The following FAM13A variants were observed in gnomAD, a reference collection of about 807,000 sequenced individuals.
FAM13A encodes family with sequence similarity 13 member A.
A neutral mutation model predicts 129.6 loss-of-function variants in FAM13A; 76 were observed. The ratio of observed to expected loss-of-function variants is 0.59; its 90% CI spans 0.49 to 0.71. The LOEUF (loss-of-function observed/expected upper bound fraction) is 0.71, where lower values mean the gene tolerates loss of function less well. Among genes scored for constraint, FAM13A ranks in the 30% least tolerant of loss-of-function variants. FAM13A has a pLI of 0.00. For synonymous variants in FAM13A, 443 were observed against 449.9 expected, an observed-to-expected ratio of 0.98 and a Z score of 0.20; for missense variants, 1,108 against 1,249.3, an observed-to-expected ratio of 0.89 and a Z score of 1.70.
At chr4:88,786,111 G>A (rs1311350068) in intron 10 of FAM13A, among the ~76,000 whole-genome samples, 1 of 152,056 alleles carries the variant, frequency 6.6e-6, no homozygotes, top group Admixed American at 6.6e-5. Context: ...AATTCTTCAG[G>A]AGAGGTGAGG....
intron 4 of FAM13A, among the ~76,000 whole-genome samples, chr4:88,985,268 G>C (rs1762094108): frequency 6.6e-6 from 1 of 152,180 alleles, no homozygotes; most frequent in Non-Finnish European, 1.5e-5. Flanking sequence ...GTAGATGAGT[G>C]GTTGCCTAGA....
chr4:89,047,936 T>C (rs556360991), intron 1 of FAM13A, among the ~76,000 whole-genome samples: 1 of 152,148 alleles, frequency 6.6e-6, no homozygotes. Context: ...GAAATTGAGA[T>C]AGCACTACTA....
chr4:88,766,491 T>C (rs1745728379), intron 13 of FAM13A, among the ~76,000 whole-genome samples: 1 of 152,168 alleles, frequency 6.6e-6, no homozygotes, highest in Non-Finnish European at 1.5e-5. Flanking sequence ...GGACAAGAAT[T>C]GAATACAGGA....
intron 7 of FAM13A, among the ~76,000 whole-genome samples, chr4:88,827,122 T>C (rs1392267980): frequency 6.6e-6 from 1 of 152,226 alleles, no homozygotes; most frequent in African/African-American, 2.4e-5. Flanking sequence ...TTTTAGGGTC[T>C]TTTGACCACT....
In FAM13A at chr4:89,030,482, C is replaced by T. The variant is rs1028663089; in HGVS notation, c.28-833G>A. ...CACTGAAAAGAGAGATGGCAAAATG[C>T]GAACGGTCTTATTTGGGGGCAGAGG... On this transcript the variant is annotated intron_variant, in intron 1 of 23. Coordinates refer to ENST00000264344, the MANE Select transcript of FAM13A (RefSeq NM_014883.4). Among the ~76,000 whole-genome samples, 8 of 151,986 alleles carry T rather than the reference C, an allele frequency of 5.3e-5. 1 individual carries two copies. Among genetic ancestry groups the T allele is most frequent in the African/African-American group, 7.2e-5 (3 of 41,390 alleles).
chr4:88,991,026 C>G lies in FAM13A; in HGVS notation c.552G>C (p.Gln184His), dbSNP rs759010773. ...FLTKVAKHHV[Q>H]NRMNVHNLAT... The stretch of plus-strand genomic sequence containing the variant: ...CGAGATTGTGAACATTCATGCGATT[C>G]TGCACATGATGCTTGGCTACTTTTG... The change falls in exon 4 of 24, where the codon CAG (glutamine) becomes CAC (histidine). Residue 184 changes from glutamine (Q) to histidine (H), a missense_variant. Transcript: ENST00000264344. The G allele has an allele frequency of 1.9e-6, 3 of 1,614,156 alleles. No individual in the cohort carries two copies. The South Asian group carries it at 3.3e-5, about 18-fold the overall frequency.
intron 13 of FAM13A, among the ~76,000 whole-genome samples, chr4:88,766,039 G>C (rs1745658449): frequency 6.6e-6 from 1 of 152,228 alleles, no homozygotes. Context: ...CATTTAGTTT[G>C]TGTGCTACTT....
At chr4:88,933,230 G>A (rs971699481) in intron 5 of FAM13A, among the ~76,000 whole-genome samples, 4 of 152,112 alleles carry the variant, frequency 2.6e-5, no homozygotes, top group African/African-American at 9.7e-5. Context: ...TAGATACTTA[G>A]CAATATGCTC....
intron 3 of FAM13A, among the ~76,000 whole-genome samples, chr4:89,007,379 C>T (rs961230455): frequency 1.3e-5 from 2 of 152,100 alleles, no homozygotes; most frequent in Non-Finnish European, 1.5e-5. Flanking sequence ...TCTGAAGAAG[C>T]CCACAGAAAA....
rs1235348469 is a variant in FAM13A at position 88,728,519 on chromosome 4, C to T, written c.*14G>A. 1.9e-6 allele frequency: 3 copies of T among 1,614,004 alleles called. No individual in the cohort carries two copies. The highest frequency in any genetic ancestry group is 2.5e-6 in the Non-Finnish European group (3 of 1,179,984). On this transcript the variant is annotated 3_prime_UTR_variant, in exon 24 of 24. Transcript: ENST00000264344. ...TCACCGCAGCTGCCAGCCCCCTGTG[C>T]TTGGCCATGCCCCTCACATGGACTT...
At chr4:88,802,686 A>C (rs1471830190) in intron 8 of FAM13A, among the ~76,000 whole-genome samples, 1 of 152,146 alleles carries the variant, frequency 6.6e-6, no homozygotes, top group Non-Finnish European at 1.5e-5. Flanking sequence ...CTGTTCCTGC[A>C]TCCCTTTCTT....
intron 5 of FAM13A, among the ~76,000 whole-genome samples, chr4:88,910,402 A>T (rs1179152489): frequency 6.6e-6 from 1 of 152,130 alleles, no homozygotes; most frequent in Non-Finnish European, 1.5e-5. Flanking sequence ...GACATTTAAA[A>T]ATAGGAAAGC....
intron 5 of FAM13A, among the ~76,000 whole-genome samples, chr4:88,927,486 G>GT (rs1554031424): frequency 0.23 from 21,559 of 95,318 alleles, 1,742 homozygotes; most frequent in African/African-American, 0.25. Context: ...CTGGTTCTAG[G>GT]TTTTTTTTTT....
chr4:88,846,527 A>C (rs1736667195), intron 7 of FAM13A, among the ~76,000 whole-genome samples: 1 of 152,232 alleles, frequency 6.6e-6, no homozygotes. Context: ...ATCTCTTAAA[A>C]TGTAACAAAC....
intron 6 of FAM13A, among the ~76,000 whole-genome samples, chr4:88,893,452 G>A (rs920264148): frequency 2.0e-5 from 3 of 152,114 alleles, no homozygotes; most frequent in Admixed American, 6.5e-5. Flanking sequence ...GTGAAACCCC[G>A]TCTTACTAAA....
At chr4:88,941,320 T>A (rs1262010267) in intron 4 of FAM13A, among the ~76,000 whole-genome samples, 2 of 152,238 alleles carry the variant, frequency 1.3e-5, no homozygotes, top group Non-Finnish European at 2.9e-5. Flanking sequence ...TAACCTAATG[T>A]TAACCAAACA....
At chr4:88,937,931 A>C (rs1263780844) in intron 5 of FAM13A, 157 bp downstream of exon 5, 1 of 583,778 alleles carries the variant, frequency 1.7e-6, no homozygotes, top group East Asian at 2.9e-5. Context: ...CAATTTAATA[A>C]GCATTTGGAA....
rs558043392 is a variant in FAM13A at position 88,733,858 on chromosome 4, G to T, written c.2647-1660C>A. On this transcript the variant is annotated intron_variant, in intron 21 of 23. Coordinates refer to ENST00000264344, the MANE Select transcript of FAM13A (RefSeq NM_014883.4). Reference sequence around the variant, plus strand: ...AAATAAGAACTTAACGACCTTTAATGAAATCAGGTGTCTAGGCCTTATCAA... The same window carrying T: ...AAATAAGAACTTAACGACCTTTAATTAAATCAGGTGTCTAGGCCTTATCAA... 8.5e-5 allele frequency among the ~76,000 whole-genome samples: 13 copies of T among 152,332 alleles called. No individual in the cohort carries two copies. The East Asian group carries it at 2.5e-3, about 29-fold the overall frequency.
chr4:88,910,395 A>T (rs1423563015), intron 5 of FAM13A, among the ~76,000 whole-genome samples: 2 of 152,120 alleles, frequency 1.3e-5, no homozygotes, highest in Admixed American at 1.3e-4. Flanking sequence ...TACTAATGAC[A>T]TTTAAAAATA....
Sources: gnomAD v4.1 joint callset for allele counts (sites outside exome capture counted in the v4.1 genomes callset) on GRCh38, gnomAD v4.1.1 for gene constraint, MANE v1.5 for transcripts, NCBI Gene and HGNC (gene_info 2026-07-23, HGNC 2026-07-21) for gene names.